RAPGEF5: variants seen among roughly 807,000 people sequenced by gnomAD.
RAPGEF5 encodes Rap guanine nucleotide exchange factor 5.
Under a neutral mutation model 125.2 loss-of-function variants are expected in RAPGEF5, and 65 were observed. The observed-to-expected ratio is 0.52, with a 90% CI of 0.43 to 0.64. The LOEUF is 0.64. RAPGEF5 is among the 30% of genes least tolerant of loss of function. The probability of loss-of-function intolerance (pLI) is 0.00; values close to 1 mark genes in which losing one functional copy is unlikely to be tolerated. For missense variants in RAPGEF5, 958 were observed against 1,048.1 expected (o/e 0.91, Z 1.19); for synonymous variants, 391 against 385.9 (o/e 1.01, Z -0.16).
chr7:22,138,047 A>C (rs948025323), intron 21 of RAPGEF5, among the ~76,000 whole-genome samples: 1 of 150,112 alleles, frequency 6.7e-6, no homozygotes, highest in African/African-American at 2.4e-5. Flanking sequence ...ACGCACGCAC[A>C]CACACACCCC....
Position 22,118,621 on chromosome 7 carries a change from T to C in RAPGEF5, c.*3785A>G, listed in dbSNP as rs1782474069. ...CTACCAAGTGTAGTCCCTGAGAAGT[T>C]AGGTAGACACCCTGATGGCGGGTTC... On this transcript the variant is annotated 3_prime_UTR_variant, in exon 26 of 26. Coordinates refer to ENST00000665637, the MANE Select transcript of RAPGEF5 (RefSeq NM_012294.5). The C allele has an allele frequency of 6.6e-6, 1 of 152,602 alleles. No individual in the cohort carries two copies. The highest frequency in any genetic ancestry group is 2.1e-4 in the South Asian group (1 of 4,822). 9.5% of individuals were successfully genotyped at this position (152,602 alleles called of 1,614,324 possible). A position where few individuals can be genotyped will look rare whatever the true frequency, so the allele number is the denominator to read the frequency against.
intron 1 of RAPGEF5, among the ~76,000 whole-genome samples, chr7:22,345,184 C>G (rs1784199136): frequency 6.6e-6 from 1 of 152,248 alleles, no homozygotes; most frequent in African/African-American, 2.4e-5. Flanking sequence ...AGGCTAACTT[C>G]TCAGAGACCC....
At chr7:22,238,541 C>G (rs978118458) in intron 7 of RAPGEF5, among the ~76,000 whole-genome samples, 61 of 152,298 alleles carry the variant, frequency 4.0e-4, no homozygotes, top group Admixed American at 2.4e-3. Context: ...GTGGCGTTGC[C>G]TTGTTAGGCC....
intron 20 of RAPGEF5, among the ~76,000 whole-genome samples, chr7:22,140,901 T>C (rs759612159): frequency 6.6e-6 from 1 of 152,170 alleles, no homozygotes; most frequent in Non-Finnish European, 1.5e-5. Context: ...CTCTCTGAGA[T>C]AGGGCTTTAA....
intron 6 of RAPGEF5, among the ~76,000 whole-genome samples, chr7:22,276,046 C>T (rs1782547384): frequency 6.6e-6 from 1 of 152,098 alleles, no homozygotes; most frequent in South Asian, 2.1e-4. Flanking sequence ...CTCTGAAGCC[C>T]TAACTGCTGA....
chr7:22,240,590 C>G (rs1227567607), intron 7 of RAPGEF5, among the ~76,000 whole-genome samples: 1 of 152,062 alleles, frequency 6.6e-6, no homozygotes, highest in African/African-American at 2.4e-5. Context: ...CCAGGCTGGT[C>G]TTGGACTCCT....
At chr7:22,228,828 T>C (rs578179040) in intron 8 of RAPGEF5, among the ~76,000 whole-genome samples, 1 of 152,226 alleles carries the variant, frequency 6.6e-6, no homozygotes, top group East Asian at 1.9e-4. Context: ...CCAAGGTTAC[T>C]GTGCCAGTCA....
chr7:22,141,728 C>T (rs576746136), intron 20 of RAPGEF5, among the ~76,000 whole-genome samples: 188 of 152,338 alleles, frequency 1.2e-3, no homozygotes, highest in Non-Finnish European at 2.4e-3. Context: ...TGGTCTGTCC[C>T]TCTCATGGTC....
At chr7:22,317,041 G>A (rs1296058583) in intron 2 of RAPGEF5, among the ~76,000 whole-genome samples, 1 of 151,212 alleles carries the variant, frequency 6.6e-6, no homozygotes, top group Non-Finnish European at 1.5e-5. Flanking sequence ...AGGAAGCGGT[G>A]TGAGTAAGCT....
At chr7:22,243,826 CATTATT>C (rs1786402240) in intron 7 of RAPGEF5, among the ~76,000 whole-genome samples, 1 of 152,132 alleles carries the variant, frequency 6.6e-6, no homozygotes, top group African/African-American at 2.4e-5. Flanking sequence ...ATAGATACTA[CATTATT>C]ATTAACTATA....
intron 24 of RAPGEF5, 111 bp downstream of exon 24, chr7:22,130,926 G>T: frequency 7.1e-7 from 1 of 1,402,534 alleles, no homozygotes. Context: ...CCTTGAATTC[G>T]CCATGCATCC....
rs770990761 is a variant in RAPGEF5, at chr7:22,157,855, CT to C, written c.1556del (p.Lys519ArgfsTer22). ...HTVDEYSPQK[K>X]NKALFHQFSL... The stretch of plus-strand genomic sequence containing the variant: ...TTTAGGTATAGAAGCATCTGCTTAC[CT>C]TTTTTTGTGGTGAATATTCATCTAC... On this transcript the variant is annotated frameshift_variant and splice_region_variant, in exon 15 of 26. Coordinates refer to ENST00000665637, the MANE Select transcript of RAPGEF5 (RefSeq NM_012294.5). LOFTEE classifies it high-confidence loss of function. 1.2e-6 allele frequency: 2 copies of C among 1,610,918 alleles called. No individual in the cohort carries two copies. The highest frequency in any genetic ancestry group is 1.1e-5 in the South Asian group (1 of 90,880).
chr7:22,303,211 A>G (rs542913184), intron 5 of RAPGEF5, among the ~76,000 whole-genome samples: 36 of 152,328 alleles, frequency 2.4e-4, no homozygotes, highest in African/African-American at 8.4e-4. Flanking sequence ...GCTTAAAATA[A>G]AAGAGCTAGA....
At chr7:22,127,470 T>C (rs978524910) in intron 24 of RAPGEF5, among the ~76,000 whole-genome samples, 8 of 152,236 alleles carry the variant, frequency 5.3e-5, no homozygotes, top group Non-Finnish European at 8.8e-5. Flanking sequence ...TTTGGAAGCA[T>C]ATACGTATAT....
At chr7:22,149,832 G>T (rs1482737785) in intron 18 of RAPGEF5, among the ~76,000 whole-genome samples, 1 of 152,040 alleles carries the variant, frequency 6.6e-6, no homozygotes, top group African/African-American at 2.4e-5. Flanking sequence ...AAATTCGATG[G>T]GAGAAGGAGT....
At chr7:22,165,519 AGGAAATCT>A (rs1324059297) in intron 12 of RAPGEF5, among the ~76,000 whole-genome samples, 2 of 152,212 alleles carry the variant, frequency 1.3e-5, no homozygotes, top group Non-Finnish European at 2.9e-5. Flanking sequence ...AAAGCTGTGA[AGGAAATCT>A]GCACATATTA....
At chr7:22,329,995 C>T (rs1324143286) in intron 1 of RAPGEF5, among the ~76,000 whole-genome samples, 1 of 152,164 alleles carries the variant, frequency 6.6e-6, no homozygotes, top group Non-Finnish European at 1.5e-5. Flanking sequence ...CCTGGCTCCC[C>T]ACAGTCTGTC....
chr7:22,237,394 AC>A, intron 7 of RAPGEF5, among the ~76,000 whole-genome samples: 1 of 142,526 alleles, frequency 7.0e-6, no homozygotes, highest in Non-Finnish European at 1.5e-5. Context: ...ATAGAAATTG[AC>A]CCTTCTGGTC....
intron 3 of RAPGEF5, chr7:22,314,725 T>G (rs1297392647): frequency 1.6e-6 from 1 of 642,074 alleles, no homozygotes; most frequent in Admixed American, 6.3e-5. Flanking sequence ...GCTTAATATC[T>G]TTATCTGGCA....
Sources: gnomAD v4.1 joint callset for allele counts (sites outside exome capture counted in the v4.1 genomes callset) on GRCh38, gnomAD v4.1.1 for gene constraint, MANE v1.5 for transcripts, NCBI Gene and HGNC (gene_info 2026-07-23, HGNC 2026-07-21) for gene names.